Variants in PIM1 observed in about 807,000 individuals in gnomAD.
PIM1 encodes serine/threonine-protein kinase pim-1.
In PIM1, 9 loss-of-function variants were observed where a neutral mutation model predicts 34.5. The observed-to-expected ratio is 0.26, with a 90% CI of 0.16 to 0.46. PIM1 has a LOEUF of 0.46. PIM1 is among the 20% of genes least tolerant of loss of function. The pLI, the probability that PIM1 is intolerant of heterozygous loss-of-function variation, is 1.00. For synonymous variants in PIM1, 199 were observed against 175.2 expected, an observed-to-expected ratio of 1.14 and a Z score of -1.07; for missense variants, 274 against 410.9, an observed-to-expected ratio of 0.67 and a Z score of 2.88.
chr6:37,171,618 C>T lies in PIM1; in HGVS notation c.607+127C>T, dbSNP rs541373898. The T allele has an allele frequency of 6.2e-5, 72 of 1,166,700 alleles. No individual in the cohort carries two copies. The Admixed American group carries it at 1.2e-3, about 20-fold the overall frequency. The allele number at this position is 1,166,700 out of a possible 1,614,324, so 72.3% of individuals were successfully genotyped here. A position where few individuals can be genotyped will look rare whatever the true frequency, so the allele number is the denominator to read the frequency against. On this transcript the variant is annotated intron_variant, in intron 4 of 5. Coordinates refer to ENST00000373509, the MANE Select transcript of PIM1 (RefSeq NM_002648.4). ...TTGGGCCGCCTGGCTCGATGCTAGC[C>T]GGGGTGGGACGCAGGAGAGCCTCCC... is the stretch of plus-strand genomic sequence containing the variant.
At position 37,173,268 on chromosome 6, in the gene PIM1, T is replaced by G. The variant is rs1762340976; in HGVS notation, c.784+96T>G. The G allele has an allele frequency of 7.4e-6, 8 of 1,078,680 alleles. No homozygotes were observed. The Admixed American group carries it at 1.7e-4, about 23-fold the overall frequency. 66.8% of individuals were successfully genotyped at this position (1,078,680 alleles called of 1,614,324 possible). ...TTTGAAATTCTGGAGAGCTTCACTC[T>G]CCAGTAGATTCTGTCACCCTTGGCT... On this transcript the variant is annotated intron_variant, in intron 5 of 5. Transcript: ENST00000373509.
Position 37,171,211 on chromosome 6 carries a change from G to C in PIM1, c.327G>C (p.Trp109Cys), listed in dbSNP as rs1283986952. 6.2e-7 allele frequency: 1 copy of C among 1,614,140 alleles called. No homozygotes were observed. The highest frequency in any genetic ancestry group is 1.1e-5 in the South Asian group (1 of 91,084). Residue 109 changes from tryptophan to cysteine, a missense_variant, in exon 4 of 6, where the codon TGG (tryptophan) becomes TGC (cysteine). This residue lies in a region of PIM1 where 168 missense variants were observed against 299.4 expected (regional missense o/e 0.56). Coordinates refer to ENST00000373509, the MANE Select transcript of PIM1 (RefSeq NM_002648.4). ...CCGGCGTCATTAGGCTCCTGGACTG[G>C]TTCGAGAGGCCCGACAGTTTCGTCC... The part of the protein sequence containing the change: ...GFSGVIRLLD[W>C]FERPDSFVLI...
intron 2 of PIM1, 32 bp downstream of exon 2, chr6:37,170,911 G>T: frequency 6.2e-7 from 1 of 1,611,792 alleles, no homozygotes; most frequent in Non-Finnish European, 8.5e-7. Flanking sequence ...GGGAGGGCGC[G>T]CCGGGCGGGG....
rs1025838171 is a variant in PIM1 at position 37,174,888 on chromosome 6, T to C, written c.*797T>C. 2 of 233,624 alleles carry C rather than the reference T, an allele frequency of 8.6e-6. No individual in the cohort carries two copies. Among genetic ancestry groups the C allele is most frequent in the Non-Finnish European group, 8.5e-6 (1 of 118,076 alleles). 14.5% of individuals were successfully genotyped at this position (233,624 alleles called of 1,614,324 possible). On this transcript the variant is annotated 3_prime_UTR_variant, in exon 6 of 6. Transcript: ENST00000373509. Reference sequence around the variant, plus strand: ...TTGGCATGGTAGTATACAAAAAGATTGTAGTGGATCTAATTTTTAAGAAAT... The same window carrying C: ...TTGGCATGGTAGTATACAAAAAGATCGTAGTGGATCTAATTTTTAAGAAAT...
At chr6:37,170,703 G>T in intron 1 of PIM1, 46 bp downstream of exon 1, 3 of 1,604,810 alleles carry the variant, frequency 1.9e-6, no homozygotes, top group Non-Finnish European at 2.5e-6. Context: ...GGGCGGCGGC[G>T]GGATCTCCTG....
At chr6:37,172,965 G>A in intron 4 of PIM1, 31 bp from the exon 5 acceptor site, 1 of 1,600,786 alleles carries the variant, frequency 6.2e-7, no homozygotes, top group South Asian at 1.1e-5. Flanking sequence ...TGCTAAAAGT[G>A]TGTTTTCTCT....
At chr6:37,171,703 T>G (rs575513960) in intron 4 of PIM1, among the ~76,000 whole-genome samples, 1 of 152,270 alleles carries the variant, frequency 6.6e-6, no homozygotes, top group Non-Finnish European at 1.5e-5. Context: ...GGCATGATTT[T>G]ATTCTTCAAG....
chr6:37,174,892 G>A lies in PIM1; in HGVS notation c.*801G>A, dbSNP rs1244639642. 8.6e-6 allele frequency: 2 copies of A among 233,646 alleles called. No homozygotes were observed. Among genetic ancestry groups the A allele is most frequent in the Non-Finnish European group, 1.7e-5 (2 of 118,080 alleles). 14.5% of individuals were successfully genotyped at this position (233,646 alleles called of 1,614,324 possible). A position where few individuals can be genotyped will look rare whatever the true frequency, so the allele number is the denominator to read the frequency against. On this transcript the variant is annotated 3_prime_UTR_variant, in exon 6 of 6. Coordinates refer to ENST00000373509, the MANE Select transcript of PIM1 (RefSeq NM_002648.4). The stretch of plus-strand genomic sequence containing the variant: ...CATGGTAGTATACAAAAAGATTGTA[G>A]TGGATCTAATTTTTAAGAAATTTTG...
In PIM1 at chr6:37,171,631, A is replaced by C. The variant is rs1561983421; in HGVS notation, c.607+140A>C. 6.9e-6 allele frequency: 7 copies of C among 1,021,754 alleles called. No homozygotes were observed. The Admixed American group carries it at 1.4e-4, about 21-fold the overall frequency. 63.3% of individuals were successfully genotyped at this position (1,021,754 alleles called of 1,614,324 possible). ...CTCGATGCTAGCCGGGGTGGGACGC[A>C]GGAGAGCCTCCCAGCGTAGTAAAGC... On this transcript the variant is annotated intron_variant, in intron 4 of 5. Coordinates refer to ENST00000373509, the MANE Select transcript of PIM1 (RefSeq NM_002648.4).
chr6:37,172,892 G>A (rs1319771395), intron 4 of PIM1, 104 bp from the exon 5 acceptor site: 4 of 949,152 alleles, frequency 4.2e-6, no homozygotes, highest in African/African-American at 1.7e-5. Context: ...CTGAGAGAAG[G>A]GATTTTTTTT....
rs1414124107 is a variant in PIM1 at position 37,173,254 on chromosome 6, G to A, written c.784+82G>A. 8.4e-6 allele frequency: 11 copies of A among 1,310,262 alleles called. 1 individual carries two copies. Among genetic ancestry groups the A allele is most frequent in the Non-Finnish European group, 1.2e-5 (11 of 934,824 alleles). 81.2% of individuals were successfully genotyped at this position (1,310,262 alleles called of 1,614,324 possible). On this transcript the variant is annotated intron_variant, in intron 5 of 5. Transcript: ENST00000373509. ...TTCATGGGACAGTCTTTGAAATTCTGGAGAGCTTCACTCTCCAGTAGATTC... is the reference window on the plus strand; with the variant it reads ...TTCATGGGACAGTCTTTGAAATTCTAGAGAGCTTCACTCTCCAGTAGATTC...
At chr6:37,173,881 A>G in intron 5 of PIM1, 53 bp from the exon 6 acceptor site, 1 of 1,538,154 alleles carries the variant, frequency 6.5e-7, no homozygotes, top group South Asian at 1.2e-5. Flanking sequence ...AGACCTTTGC[A>G]GTGTAAAAAC....
chr6:37,174,044 A>G lies in PIM1; in HGVS notation c.895A>G (p.Thr299Ala). 1 of 1,614,064 alleles carries G rather than the reference A, an allele frequency of 6.2e-7. No homozygotes were observed. The highest frequency in any genetic ancestry group is 8.5e-7 in the Non-Finnish European group (1 of 1,179,990). The change falls in exon 6 of 6, where the codon ACT becomes GCT. Residue 299 changes from threonine to alanine, a missense_variant. Physicochemically the swap from Thr to Ala is moderately conservative, Grantham distance 58 (BLOSUM62 0). Coordinates refer to ENST00000373509, the MANE Select transcript of PIM1 (RefSeq NM_002648.4). ...WMQDVLLPQE[T>A]AEIHLHSLSP... ...GCAAGATGTTCTCCTGCCCCAGGAA[A>G]CTGCTGAGATCCACCTCCACAGCCT...
rs1354078104 is a variant in PIM1 at position 37,174,244 on chromosome 6, C to T, written c.*153C>T. The T allele has an allele frequency of 1.6e-5, 12 of 736,940 alleles. No homozygotes were observed. In the South Asian group the frequency reaches 2.1e-4, roughly 13 times the overall value. The allele number at this position is 736,940 out of a possible 1,614,324, so 45.7% of individuals were successfully genotyped here. ...TTTACAACTCATTCCAGATCCCAGG[C>T]CCCTGGAGGCTGCCTCCCAACAGTG... is the stretch of plus-strand genomic sequence containing the variant. On this transcript the variant is annotated 3_prime_UTR_variant, in exon 6 of 6. Coordinates refer to ENST00000373509, the MANE Select transcript of PIM1 (RefSeq NM_002648.4).
In PIM1 at chr6:37,174,251, A is replaced by T; in HGVS notation, c.*160A>T. ...CTCATTCCAGATCCCAGGCCCCTGG[A>T]GGCTGCCTCCCAACAGTGGGGAAGA... On this transcript the variant is annotated 3_prime_UTR_variant, in exon 6 of 6. Transcript: ENST00000373509. 1 of 693,870 alleles carries T rather than the reference A, an allele frequency of 1.4e-6. No homozygotes were observed. The highest frequency in any genetic ancestry group is 2.3e-6 in the Non-Finnish European group (1 of 429,998). 43.0% of individuals were successfully genotyped at this position (693,870 alleles called of 1,614,324 possible).
At position 37,174,581 on chromosome 6, in the gene PIM1, C is replaced by A. The variant is rs568186271; in HGVS notation, c.*490C>A. ...GTGCTGGGAGAAATACTTGAACTTGCCTCTTTTACCTGCTGCTTCTCCAAA... is the reference window on the plus strand; with the variant it reads ...GTGCTGGGAGAAATACTTGAACTTGACTCTTTTACCTGCTGCTTCTCCAAA... On this transcript the variant is annotated 3_prime_UTR_variant, in exon 6 of 6. Coordinates refer to ENST00000373509, the MANE Select transcript of PIM1 (RefSeq NM_002648.4). 8.5e-6 allele frequency: 2 copies of A among 234,028 alleles called. No homozygotes were observed. The highest frequency in any genetic ancestry group is 2.2e-5 in the African/African-American group (1 of 45,424). The allele number at this position is 234,028 out of a possible 1,614,324, so 14.5% of individuals were successfully genotyped here.
chr6:37,170,638 C>T lies in PIM1; in HGVS notation c.63C>T (p.His21=), dbSNP rs746875868. The change falls in exon 1 of 6, where the codon CAC becomes CAT. Residue 21 remains histidine (H), a synonymous_variant. Coordinates refer to ENST00000373509, the MANE Select transcript of PIM1 (RefSeq NM_002648.4). ...GCGCCGCGCCCTGCAACGACCTGCA[C>T]GCCACCAAGCTGGCGCCCGGTGAGA... ...HLRAAPCNDL[H]ATKLAPGKEK... is the part of the protein sequence containing the mutation. 3 of 1,612,448 alleles carry T rather than the reference C, an allele frequency of 1.9e-6. No homozygotes were observed. The highest frequency in any genetic ancestry group is 2.5e-6 in the Non-Finnish European group (3 of 1,179,436).
At chr6:37,172,271 G>T (rs1384760768) in intron 4 of PIM1, among the ~76,000 whole-genome samples, 2 of 152,130 alleles carry the variant, frequency 1.3e-5, no homozygotes, top group African/African-American at 4.8e-5. Flanking sequence ...GAGGACGCTG[G>T]GTTGGGCTGC....
At chr6:37,173,457 T>C (rs759698635) in intron 5 of PIM1, among the ~76,000 whole-genome samples, 5 of 152,246 alleles carry the variant, frequency 3.3e-5, no homozygotes, top group Admixed American at 2.6e-4. Flanking sequence ...AACAGAAACC[T>C]GATAATTCCT....
Sources: allele counts gnomAD v4.1 joint callset (sites outside exome capture counted in the v4.1 genomes callset), GRCh38; gene constraint gnomAD v4.1.1; regional missense constraint gnomAD v4.1.1; transcripts MANE v1.5; gene names NCBI Gene and HGNC (gene_info 2026-07-23, HGNC 2026-07-21).